The following PCDH15 variants were observed in gnomAD, a reference collection of about 807,000 sequenced individuals.
The protein encoded by PCDH15 is protocadherin-15.
In PCDH15, 129 loss-of-function variants were observed where a neutral mutation model predicts 178.5. The observed-to-expected ratio is 0.72, with a 90% CI of 0.63 to 0.84. The LOEUF is 0.84. Ranked by LOEUF, PCDH15 falls within the 40% of genes least tolerant of loss-of-function variation. The probability of loss-of-function intolerance (pLI) is 0.00; values close to 1 mark genes in which losing one functional copy is unlikely to be tolerated. For missense variants in PCDH15, 2,230 were observed against 2,099.9 expected (o/e 1.06, Z -1.21); for synonymous variants, 800 against 732.0 (o/e 1.09, Z -1.50).
At chr10:55,599,805 C>T (rs1843030401) in intron 2 of PCDH15, 3 of 607,618 alleles carry the variant, frequency 4.9e-6, no homozygotes, top group Non-Finnish European at 7.8e-6. Flanking sequence ...GTATTAGAGG[C>T]ACTGCCTGCT....
chr10:55,614,271 G>C (rs560290969), intron 2 of PCDH15, among the ~76,000 whole-genome samples: 3 of 152,028 alleles, frequency 2.0e-5, no homozygotes, highest in Non-Finnish European at 2.9e-5. Context: ...AGAGATGTTC[G>C]TTTTCTTATA....
chr10:54,164,304 C>T (rs554440672), intron 13 of PCDH15, among the ~76,000 whole-genome samples: 2 of 152,234 alleles, frequency 1.3e-5, no homozygotes, highest in East Asian at 1.9e-4. Flanking sequence ...ATCTCTCTGC[C>T]TCAGCTCTAT....
intron 2 of PCDH15, among the ~76,000 whole-genome samples, chr10:54,926,869 C>A (rs1461745996): frequency 1.3e-5 from 2 of 151,668 alleles, no homozygotes; most frequent in Non-Finnish European, 2.9e-5. Context: ...AGTAGTATAT[C>A]TACTTTATTA....
At chr10:54,108,213 C>T (rs1320218163) in intron 15 of PCDH15, among the ~76,000 whole-genome samples, 3 of 152,118 alleles carry the variant, frequency 2.0e-5, no homozygotes, top group Non-Finnish European at 4.4e-5. Flanking sequence ...ATACATATCA[C>T]TGAAAGAGTC....
intron 1 of PCDH15, among the ~76,000 whole-genome samples, chr10:54,692,943 G>C (rs919532928): frequency 6.6e-6 from 1 of 151,936 alleles, no homozygotes; most frequent in African/African-American, 2.4e-5. Flanking sequence ...ACAGGATACA[G>C]GTGCAGAACG....
intron 4 of PCDH15, among the ~76,000 whole-genome samples, chr10:54,371,436 T>C (rs1382043945): frequency 6.6e-6 from 1 of 151,816 alleles, no homozygotes; most frequent in Non-Finnish European, 1.5e-5. Flanking sequence ...TTGAACACTT[T>C]TGAGAATGTA....
At chr10:53,960,905 G>C (rs910077440) in intron 22 of PCDH15, among the ~76,000 whole-genome samples, 1 of 152,130 alleles carries the variant, frequency 6.6e-6, no homozygotes, top group African/African-American at 2.4e-5. Flanking sequence ...AAATGGAAAT[G>C]TTCAAACACT....
At position 54,157,333 on chromosome 10, in the gene PCDH15, A is replaced by G. The variant is rs866603280; in HGVS notation, c.1591-4040T>C. 4.6e-5 allele frequency among the ~76,000 whole-genome samples: 7 copies of G among 152,228 alleles called. No homozygotes were observed. In the South Asian group the frequency reaches 1.4e-3, roughly 31 times the overall value. The stretch of plus-strand genomic sequence containing the variant: ...ATCTAGGCAGAGGTTCCCAAACCTC[A>G]ATTCTTGACTTCTGTGCACCTGCAG... On this transcript the variant is annotated intron_variant, in intron 13 of 37. Transcript: ENST00000644397.
chr10:53,893,834 A>C (rs2610825), intron 26 of PCDH15, among the ~76,000 whole-genome samples: 1 of 151,982 alleles, frequency 6.6e-6, no homozygotes, highest in Admixed American at 6.6e-5. Flanking sequence ...AGACTACACA[A>C]TGGGTACAGT....
At chr10:54,113,173 A>T (rs2095055524) in intron 15 of PCDH15, among the ~76,000 whole-genome samples, 1 of 152,206 alleles carries the variant, frequency 6.6e-6, no homozygotes, top group African/African-American at 2.4e-5. Flanking sequence ...CCAAATTCAA[A>T]TTCAAATATG....
At chr10:54,513,241 GTTTA>G (rs201541722) in intron 3 of PCDH15, among the ~76,000 whole-genome samples, 24,743 of 145,774 alleles carry the variant, frequency 0.17, 2,361 homozygotes, top group Admixed American at 0.29. Flanking sequence ...ATTTATTTTT[GTTTA>G]TTTATTTATT....
Position 55,414,459 on chromosome 10 carries a change from T to C in PCDH15, c.-156+213166A>G, listed in dbSNP as rs180851440. 4.5e-3 allele frequency among the ~76,000 whole-genome samples: 677 copies of C among 151,762 alleles called. 2 individuals are homozygous for C. Among genetic ancestry groups the C allele is most frequent in the Non-Finnish European group, 7.0e-3 (475 of 67,656 alleles). Reference sequence around the variant, plus strand: ...TTAAATTTGAATATTATTTTGAATTTGGATATCACATTGGGTAAGCATAGA... The same window carrying C: ...TTAAATTTGAATATTATTTTGAATTCGGATATCACATTGGGTAAGCATAGA... On this transcript the variant is annotated intron_variant, in intron 2 of 5. Coordinates refer to the PCDH15 transcript ENST00000613346.
chr10:53,935,137 T>A (rs138426614), intron 25 of PCDH15, among the ~76,000 whole-genome samples: 4 of 152,164 alleles, frequency 2.6e-5, no homozygotes, highest in Non-Finnish European at 5.9e-5. Flanking sequence ...TTTACAGTAA[T>A]GCTTCAAAGA....
chr10:54,566,694 AAT>A (rs1338798060), intron 2 of PCDH15, among the ~76,000 whole-genome samples: 3 of 152,182 alleles, frequency 2.0e-5, no homozygotes, highest in Admixed American at 6.6e-5. Flanking sequence ...AGCACTGAAT[AAT>A]AGTCCATTGT....
intron 2 of PCDH15, among the ~76,000 whole-genome samples, chr10:55,147,491 G>T (rs2799603): frequency 0.9 from 136,605 of 151,460 alleles, 62,277 homozygotes; most frequent in Non-Finnish European, 0.97. Flanking sequence ...TATTTTGCAC[G>T]TATCTAGAAA....
At chr10:55,125,638 G>GA (rs1018210775) in intron 2 of PCDH15, among the ~76,000 whole-genome samples, 1 of 151,896 alleles carries the variant, frequency 6.6e-6, no homozygotes, top group African/African-American at 2.4e-5. Flanking sequence ...CATTACGAGA[G>GA]AAAAAAAGCA....
intron 2 of PCDH15, among the ~76,000 whole-genome samples, chr10:55,091,284 T>C (rs1446397386): frequency 6.6e-6 from 1 of 151,910 alleles, no homozygotes; most frequent in East Asian, 1.9e-4. Context: ...ATACTGAAAA[T>C]TATCTTTTGT....
chr10:55,093,338 GT>G (rs1842363322), intron 2 of PCDH15, among the ~76,000 whole-genome samples: 1 of 151,858 alleles, frequency 6.6e-6, no homozygotes, highest in African/African-American at 2.4e-5. Context: ...AATAATGGTG[GT>G]TTTTTTCAAG....
At chr10:53,957,575 G>C (rs1279822255) in intron 23 of PCDH15, among the ~76,000 whole-genome samples, 2 of 151,168 alleles carry the variant, frequency 1.3e-5, no homozygotes, top group African/African-American at 4.9e-5. Context: ...AATGGACAAA[G>C]GAATGATTCA....
Sources: allele counts gnomAD v4.1 joint callset (sites outside exome capture counted in the v4.1 genomes callset), GRCh38; gene constraint gnomAD v4.1.1; transcripts MANE v1.5; gene names NCBI Gene and HGNC (gene_info 2026-07-23, HGNC 2026-07-21).